The following LRTM3 variants were observed in gnomAD, a reference collection of about 807,000 sequenced individuals.
LRTM3 encodes the protein leucine-rich repeat transmembrane protein 3.
the LRTM3 span, chr13:102,741,509 A>T: frequency 6.5e-7 from 1 of 1,549,372 alleles, no homozygotes; most frequent in African/African-American, 1.4e-5. Flanking sequence ...ATGTGAACTA[A>T]TTTTTCTGTT....
At chr13:102,732,970 T>C in the LRTM3 span, 1 of 1,551,418 alleles carries the variant, frequency 6.4e-7, no homozygotes, top group Middle Eastern at 1.7e-4. Context: ...CACCTTCCTC[T>C]TGTTCTGAAA....
chr13:102,740,204 G>A, the LRTM3 span: 1 of 1,548,730 alleles, frequency 6.5e-7, no homozygotes, highest in African/African-American at 1.4e-5. Flanking sequence ...TACCCCATCT[G>A]ATGATTTCAT....
the LRTM3 span, chr13:102,731,350 C>T: frequency 1.3e-6 from 2 of 1,551,308 alleles, no homozygotes; most frequent in South Asian, 1.2e-5. Flanking sequence ...TTGAAATAGT[C>T]CCTTTTGGAT....
At chr13:102,738,584 T>C in the LRTM3 span, 4 of 1,550,488 alleles carry the variant, frequency 2.6e-6, no homozygotes, top group Non-Finnish European at 3.5e-6. Context: ...CTGTTCTTTT[T>C]GCAATATAGA....
chr13:102,745,998 C>T, the LRTM3 span: 1 of 1,551,180 alleles, frequency 6.4e-7, no homozygotes, highest in Non-Finnish European at 8.7e-7. Flanking sequence ...TCGCTGTTCT[C>T]CAGAGCCTGT....
At chr13:102,731,724 T>G in the LRTM3 span, 3 of 1,551,422 alleles carry the variant, frequency 1.9e-6, no homozygotes, top group Non-Finnish European at 2.6e-6. Flanking sequence ...ACTTCGCTAC[T>G]TTTAACTTGA....
the LRTM3 span, chr13:102,744,765 T>C: frequency 1.9e-6 from 3 of 1,550,638 alleles, no homozygotes; most frequent in African/African-American, 1.4e-5. Flanking sequence ...ACATTCATGT[T>C]CATTGCATTA....
At chr13:102,731,824 C>T in the LRTM3 span, 20 of 1,549,426 alleles carry the variant, frequency 1.3e-5, no homozygotes, top group East Asian at 4.9e-4. Flanking sequence ...GATCCCTTTG[C>T]TTGGGTAACT....
At chr13:102,749,228 T>C in the LRTM3 span, 1 of 1,550,800 alleles carries the variant, frequency 6.4e-7, no homozygotes, top group Non-Finnish European at 8.7e-7. Context: ...AGATGGAACA[T>C]TAAGACTGAG....
chr13:102,740,443 A>G, the LRTM3 span: 1 of 1,550,222 alleles, frequency 6.5e-7, no homozygotes, highest in Non-Finnish European at 8.7e-7. Flanking sequence ...GAGGCATTAA[A>G]TGTTGCAGGA....
At chr13:102,733,082 T>G in the LRTM3 span, 1 of 1,551,544 alleles carries the variant, frequency 6.4e-7, no homozygotes, top group Non-Finnish European at 8.7e-7. Context: ...TGTTGTTTTC[T>G]TGTCCACATC....
the LRTM3 span, chr13:102,739,731 G>A: frequency 6.5e-7 from 1 of 1,549,312 alleles, no homozygotes; most frequent in Non-Finnish European, 8.7e-7. Context: ...GATATGTGTT[G>A]TTTTGTACTT....
chr13:102,753,818 A>C, the LRTM3 span, among the ~76,000 whole-genome samples: 2 of 152,190 alleles, frequency 1.3e-5, no homozygotes, highest in Non-Finnish European at 2.9e-5. Context: ...ACTCTCCAAC[A>C]CCTGTTCTAC....
chr13:102,745,815 C>T, the LRTM3 span: 2 of 1,551,206 alleles, frequency 1.3e-6, no homozygotes, highest in Non-Finnish European at 8.7e-7. Flanking sequence ...ACATGACTCT[C>T]TACCTTTTCA....
chr13:102,743,253 G>C, the LRTM3 span: 1 of 1,550,638 alleles, frequency 6.4e-7, no homozygotes, highest in Non-Finnish European at 8.7e-7. Context: ...CCTTCAGCTA[G>C]TGACTCTATT....
chr13:102,739,679 C>A, the LRTM3 span: 1 of 1,550,238 alleles, frequency 6.5e-7, no homozygotes, highest in South Asian at 1.2e-5. Flanking sequence ...GCTTTTTATT[C>A]TTTTCATATC....
At chr13:102,741,277 ATTTTC>A in the LRTM3 span, 1 of 1,550,188 alleles carries the variant, frequency 6.5e-7, no homozygotes. Flanking sequence ...AGATGGTAAC[ATTTTC>A]TTTTCTTGCT....
the LRTM3 span, chr13:102,732,303 T>C: frequency 2.6e-6 from 4 of 1,551,372 alleles, no homozygotes; most frequent in Middle Eastern, 1.7e-4. Flanking sequence ...CACGAAGCTA[T>C]GTTCTTTAAC....
chr13:102,734,180 A>C, the LRTM3 span: 10 of 1,551,442 alleles, frequency 6.4e-6, no homozygotes, highest in Non-Finnish European at 7.8e-6. Context: ...GTGTATCCTG[A>C]ACCTCATATC....
Sources: gnomAD v4.1 joint callset for allele counts (sites outside exome capture counted in the v4.1 genomes callset) on GRCh38, gnomAD v4.1.1 for gene constraint, MANE v1.5 for transcripts, NCBI Gene and HGNC (gene_info 2026-07-23, HGNC 2026-07-21) for gene names.